MAP3K5: variants seen among roughly 807,000 people sequenced by gnomAD.
MAP3K5 encodes the protein mitogen-activated protein kinase kinase kinase 5.
MAP3K5 carries 56 observed loss-of-function variants against 158.7 expected under a neutral mutation model. The observed-to-expected ratio is 0.35, with a 90% CI of 0.28 to 0.44. The LOEUF is 0.44. MAP3K5 is among the 20% of genes least tolerant of loss of function. The pLI, the probability that MAP3K5 is intolerant of heterozygous loss-of-function variation, is 1.00. For missense variants in MAP3K5, 1,294 were observed against 1,674.8 expected (o/e 0.77, Z 3.97); for synonymous variants, 579 against 601.7 (o/e 0.96, Z 0.55).
At chr6:136,619,500 T>G (rs1776710621) in intron 15 of MAP3K5, among the ~76,000 whole-genome samples, 1 of 152,178 alleles carries the variant, frequency 6.6e-6, no homozygotes, top group African/African-American at 2.4e-5. Flanking sequence ...TCCCACACAC[T>G]CCTGGTTCCC....
In MAP3K5 at chr6:136,616,506, T is replaced by C. The variant is rs185127597; in HGVS notation, c.2151-2220A>G. On this transcript the variant is annotated intron_variant, in intron 15 of 29. Transcript: ENST00000359015. ...TTTTAGTAGAGACGGAGTTTCACCA[T>C]GTTGGCCAGGCTAGTCTCGAACTCC... 2.6e-5 allele frequency among the ~76,000 whole-genome samples: 4 copies of C among 151,994 alleles called. No individual in the cohort carries two copies. The East Asian group carries it at 5.8e-4, about 22-fold the overall frequency.
intron 6 of MAP3K5, among the ~76,000 whole-genome samples, 199 bp downstream of exon 6, chr6:136,695,752 C>CT (rs1215401037): frequency 1.6e-4 from 24 of 151,356 alleles, no homozygotes; most frequent in African/African-American, 2.9e-4. Context: ...CAGTGTGCGA[C>CT]TTTTTTTTTA....
intron 1 of MAP3K5, among the ~76,000 whole-genome samples, chr6:136,757,808 C>G (rs1783574041): frequency 6.6e-6 from 1 of 152,086 alleles, no homozygotes; most frequent in Non-Finnish European, 1.5e-5. Context: ...TGGTCTGGAA[C>G]TCCTGATCTC....
chr6:136,563,313 T>C (rs895350325), intron 26 of MAP3K5, among the ~76,000 whole-genome samples: 3 of 152,158 alleles, frequency 2.0e-5, no homozygotes, highest in African/African-American at 7.2e-5. Context: ...TTTACATGTA[T>C]GGACCCCCAT....
chr6:136,721,641 G>C (rs953668717), intron 1 of MAP3K5, among the ~76,000 whole-genome samples: 5 of 152,212 alleles, frequency 3.3e-5, no homozygotes, highest in African/African-American at 1.2e-4. Flanking sequence ...AGAATGCAAG[G>C]ATAGCTCAAT....
At chr6:136,584,629 G>T (rs1187180889) in intron 23 of MAP3K5, 1 of 152,204 alleles carries the variant, frequency 6.6e-6, no homozygotes, top group Non-Finnish European at 1.5e-5. Flanking sequence ...CACGACACAT[G>T]GGAATTGTGG....
At chr6:136,616,646 C>T (rs1353760110) in intron 15 of MAP3K5, among the ~76,000 whole-genome samples, 1 of 151,756 alleles carries the variant, frequency 6.6e-6, no homozygotes. Context: ...AAATACTGTG[C>T]CTCTGTATTC....
At chr6:136,670,910 G>A (rs1430389995) in intron 7 of MAP3K5, among the ~76,000 whole-genome samples, 1 of 152,124 alleles carries the variant, frequency 6.6e-6, no homozygotes, top group Non-Finnish European at 1.5e-5. Context: ...AAGTATACAT[G>A]TTTCCATTCT....
Position 136,651,017 on chromosome 6 carries a change from T to C in MAP3K5, c.1755A>G (p.Thr585=). ...CAGGAAGCACGTGCCAAATAGAGAT[T>C]GTCTTTTCCTCAACTTCATTGTTGA... ...LSINNEVEEK[T]ISIWHVLPDD... is the part of the protein sequence containing the mutation. The change falls in exon 11 of 30, where the codon ACA becomes ACG. Residue 585 remains threonine (T), a synonymous_variant. Transcript: ENST00000359015. 6.2e-7 allele frequency: 1 copy of C among 1,612,108 alleles called. No homozygotes were observed. The highest frequency in any genetic ancestry group is 8.5e-7 in the Non-Finnish European group (1 of 1,178,808).
intron 13 of MAP3K5, among the ~76,000 whole-genome samples, 167 bp downstream of exon 13, chr6:136,639,376 C>T (rs898348686): frequency 1.3e-5 from 2 of 151,952 alleles, no homozygotes; most frequent in Admixed American, 1.3e-4. Flanking sequence ...AAACCCCCCC[C>T]CAAAATCTGT....
intron 26 of MAP3K5, among the ~76,000 whole-genome samples, chr6:136,565,621 C>T (rs1057070335): frequency 1.3e-5 from 2 of 152,194 alleles, no homozygotes; most frequent in Non-Finnish European, 2.9e-5. Flanking sequence ...ATGAGAGCTA[C>T]AACCTTTCCT....
intron 7 of MAP3K5, among the ~76,000 whole-genome samples, chr6:136,682,531 C>T (rs1779979280): frequency 6.6e-6 from 1 of 152,166 alleles, no homozygotes; most frequent in Non-Finnish European, 1.5e-5. Context: ...GTTTGAATAG[C>T]ACTGTCACTG....
intron 18 of MAP3K5, among the ~76,000 whole-genome samples, chr6:136,606,344 C>T (rs1271949163): frequency 6.6e-6 from 1 of 152,112 alleles, no homozygotes; most frequent in African/African-American, 2.4e-5. Flanking sequence ...GAGTGAGACT[C>T]TGTCTCAAAA....
At chr6:136,770,480 CTCA>C (rs1784152675) in intron 1 of MAP3K5, among the ~76,000 whole-genome samples, 2 of 152,180 alleles carry the variant, frequency 1.3e-5, no homozygotes, top group African/African-American at 4.8e-5. Context: ...ATTGTTTCTT[CTCA>C]TCAATCATAG....
chr6:136,764,863 C>T (rs1390490221), intron 1 of MAP3K5, among the ~76,000 whole-genome samples: 1 of 152,164 alleles, frequency 6.6e-6, no homozygotes, highest in African/African-American at 2.4e-5. Flanking sequence ...GGCACACTTC[C>T]TGGCCCTAAT....
At chr6:136,762,720 G>C (rs909207648) in intron 1 of MAP3K5, among the ~76,000 whole-genome samples, 1 of 152,196 alleles carries the variant, frequency 6.6e-6, no homozygotes, top group African/African-American at 2.4e-5. Context: ...TCTAGGGACA[G>C]GCAGGTTGCA....
chr6:136,667,298 C>T (rs1390215214), intron 8 of MAP3K5, among the ~76,000 whole-genome samples: 2 of 152,044 alleles, frequency 1.3e-5, no homozygotes, highest in Non-Finnish European at 2.9e-5. Context: ...TTTTAGAACA[C>T]TGATATAGGG....
chr6:136,748,321 C>T (rs1173034854), intron 1 of MAP3K5, among the ~76,000 whole-genome samples: 1 of 152,078 alleles, frequency 6.6e-6, no homozygotes. Flanking sequence ...TAATTTATAC[C>T]TAGTGTTCCA....
intron 1 of MAP3K5, among the ~76,000 whole-genome samples, chr6:136,731,486 C>T (rs1327141553): frequency 6.6e-6 from 1 of 152,148 alleles, no homozygotes; most frequent in African/African-American, 2.4e-5. Context: ...GGTGTCAAAT[C>T]GCCCTCTGCC....
Sources: allele counts gnomAD v4.1 joint callset (sites outside exome capture counted in the v4.1 genomes callset), GRCh38; gene constraint gnomAD v4.1.1; transcripts MANE v1.5; gene names NCBI Gene and HGNC (gene_info 2026-07-23, HGNC 2026-07-21).